The following CHTF18 variants were observed in gnomAD, a reference collection of about 807,000 sequenced individuals.
CHTF18 encodes chromosome transmission fidelity protein 18 homolog.
Under a neutral mutation model 113.4 loss-of-function variants are expected in CHTF18, and 151 were observed. The ratio of observed to expected loss-of-function variants is 1.33; its 90% confidence interval spans 1.17 to 1.52. The LOEUF (loss-of-function observed/expected upper bound fraction) is 1.52, where lower values mean the gene tolerates loss of function less well. Among genes scored for constraint, CHTF18 ranks in the 40% most tolerant of loss-of-function variants. The pLI is 0.00. For missense variants in CHTF18, 1,982 were observed against 1,381.6 expected (o/e 1.43, Z -6.89); for synonymous variants, 916 against 598.8 (o/e 1.53, Z -7.74).
At chr16:792,124 C>T (rs971748327) in intron 9 of CHTF18, 100 bp from the exon 10 acceptor site, 23 of 1,525,696 alleles carry the variant, frequency 1.5e-5, no homozygotes, top group African/African-American at 2.8e-5. Context: ...GCAGCCGCGT[C>T]ATGTGACGGT....
rs371828818 is a variant in CHTF18, at chr16:791,907, T to C, written c.1161T>C (p.Ile387=). ...GGAAGACCACCCTGGCACACGTGAT[T>C]GCGCGTCACGCGGGGTACTCTGTGG... ...GLGKTTLAHV[I]ARHAGYSVVE... Residue 387 remains isoleucine, a synonymous_variant, in exon 9 of 22, where the codon ATT becomes ATC. Coordinates refer to ENST00000262315, the MANE Select transcript of CHTF18 (RefSeq NM_022092.3). The C allele has an allele frequency of 9.3e-6, 15 of 1,610,044 alleles. No individual in the cohort carries two copies. In the African/African-American group the frequency reaches 1.9e-4, roughly 20 times the overall value.
chr16:791,792 A>G, intron 8 of CHTF18, 59 bp from the exon 9 acceptor site: 4 of 1,535,500 alleles, frequency 2.6e-6, no homozygotes, highest in Non-Finnish European at 3.5e-6. Context: ...CCTGGCTGCT[A>G]GGCCGGGAGC....
Position 790,679 on chromosome 16 carries a change from TCTCA to T in CHTF18, c.894+18_894+21del. On this transcript the variant is annotated intron_variant, in intron 7 of 21. Transcript: ENST00000262315. ...GCTCAGTGATGACGTGAGGTCTTGT[TCTCA>T]CTCAAGTGTGGCTGGCTTCCTCTGT... 1 of 1,529,578 alleles carries T rather than the reference TCTCA, an allele frequency of 6.5e-7. No homozygotes were observed. Among genetic ancestry groups the T allele is most frequent in the Non-Finnish European group, 8.7e-7 (1 of 1,147,030 alleles). 94.8% of individuals were successfully genotyped at this position (1,529,578 alleles called of 1,614,324 possible).
At chr16:788,832 C>A in intron 1 of CHTF18, 57 bp downstream of exon 1, 1 of 1,547,826 alleles carries the variant, frequency 6.5e-7, no homozygotes, top group Non-Finnish European at 8.7e-7. Context: ...ACAGTGGCGA[C>A]CTCGGGGAGG....
rs1272463606 is a variant in CHTF18 at position 794,213 on chromosome 16, C to G, written c.1950+12C>G. On this transcript the variant is annotated intron_variant, in intron 15 of 21. Transcript: ENST00000262315. ...AGAAGGTGGTCCAGGTACCTGTCTT[C>G]CACCAAAATGCCTGCCTGGGGCCGC... 6.2e-7 allele frequency: 1 copy of G among 1,607,650 alleles called. No individual in the cohort carries two copies. The highest frequency in any genetic ancestry group is 2.2e-5 in the East Asian group (1 of 44,704).
chr16:790,758 C>G (rs1160019188), intron 7 of CHTF18, 92 bp downstream of exon 7: 1 of 1,445,860 alleles, frequency 6.9e-7, no homozygotes, highest in Non-Finnish European at 9.0e-7. Context: ...AGCCAATCCA[C>G]TGGGCCTCGG....
chr16:792,866 C>T (rs1005137085), intron 12 of CHTF18, 55 bp downstream of exon 12: 15 of 1,527,606 alleles, frequency 9.8e-6, no homozygotes, highest in East Asian at 2.5e-5. Flanking sequence ...GGCGTGGCCT[C>T]GTTCTGGCCC....
At position 797,987 on chromosome 16, in the gene CHTF18, G is replaced by C. The variant is rs201902311; in HGVS notation, c.*12G>C. ...GGGACTTGCTCTAGTTCTCTGAGCC[G>C]CGGACATGCCCTCGCATTGCTTCCC... On this transcript the variant is annotated 3_prime_UTR_variant, in exon 22 of 22. Transcript: ENST00000262315. The C allele has an allele frequency of 4.4e-6, 7 of 1,605,288 alleles. No individual in the cohort carries two copies. The highest frequency in any genetic ancestry group is 6.0e-6 in the Non-Finnish European group (7 of 1,175,416).
At position 795,254 on chromosome 16, in the gene CHTF18, C is replaced by A; in HGVS notation, c.2073C>A (p.Ser691Arg). The A allele has an allele frequency of 6.5e-7, 1 of 1,549,384 alleles. No individual in the cohort carries two copies. The highest frequency in any genetic ancestry group is 8.7e-7 in the Non-Finnish European group (1 of 1,146,878). The change falls in exon 16 of 22, where the codon AGC becomes AGA. Residue 691 changes from serine (S) to arginine (R), a missense_variant. By Grantham distance (110) the Ser-to-Arg change is moderately radical (BLOSUM62 -1). Coordinates refer to ENST00000262315, the MANE Select transcript of CHTF18 (RefSeq NM_022092.3). ...LLAGAAHHSQSFQLLRYPPFL... is the reference protein window; with the variant it reads ...LLAGAAHHSQRFQLLRYPPFL... ...CGGGGGCTGCTCATCACAGCCAGAGCTTCCAGCTGCTGCGCTACCCACCCT... is the reference window on the plus strand; with the variant it reads ...CGGGGGCTGCTCATCACAGCCAGAGATTCCAGCTGCTGCGCTACCCACCCT...
At chr16:789,912 T>C (rs965774189) in intron 4 of CHTF18, 197 bp downstream of exon 4, 14 of 1,458,384 alleles carry the variant, frequency 9.6e-6, no homozygotes, top group African/African-American at 1.4e-5. Context: ...CCAGCCTGTT[T>C]GTATGGCCTC....
intron 7 of CHTF18, 88 bp downstream of exon 7, chr16:790,754 T>C: frequency 6.9e-7 from 1 of 1,449,242 alleles, no homozygotes; most frequent in South Asian, 1.5e-5. Context: ...GCACAGCCAA[T>C]CCACTGGGCC....
rs911932119 is a variant in CHTF18, at chr16:791,172, C to T, written c.906C>T (p.Arg302=). ...CGTCCTTCCCGCAGTTCACCAACCG[C>T]TGCCTGCTCAAGTGGCTGAAGTTGT... ...TELLSDDFTN[R]CLLKWLKLWD... Residue 302 remains arginine, a synonymous_variant, in exon 8 of 22, where the codon CGC becomes CGT. Coordinates refer to ENST00000262315, the MANE Select transcript of CHTF18 (RefSeq NM_022092.3). The T allele has an allele frequency of 1.9e-6, 3 of 1,610,856 alleles. No homozygotes were observed. Among genetic ancestry groups the T allele is most frequent in the African/African-American group, 1.3e-5 (1 of 74,940 alleles).
chr16:793,280 CGGT>C lies in CHTF18; in HGVS notation c.1802+9_1802+11del, dbSNP rs768133142. 2 of 1,605,626 alleles carry C rather than the reference CGGT, an allele frequency of 1.2e-6. No individual in the cohort carries two copies. Among genetic ancestry groups the C allele is most frequent in the East Asian group, 2.2e-5 (1 of 44,678 alleles). On this transcript the variant is annotated splice_region_variant and intron_variant, in intron 14 of 21. Coordinates refer to ENST00000262315, the MANE Select transcript of CHTF18 (RefSeq NM_022092.3). ...CAGCTGCCTCGAGCCCAGAGGTAGG[CGGT>C]GGCCACAGCCTCGGCCCAGATGCTC...
In CHTF18 at chr16:790,156, A is replaced by G. The variant is rs759978356; in HGVS notation, c.607-21A>G. The G allele has an allele frequency of 7.0e-6, 11 of 1,576,178 alleles. No homozygotes were observed. The East Asian group carries it at 9.4e-5, about 13-fold the overall frequency. On this transcript the variant is annotated intron_variant, in intron 4 of 21. Transcript: ENST00000262315. Reference sequence around the variant, plus strand: ...GTGACCTAGGAGGGGCCCAGAGGCAATTGTCCTCCCTTCCCCACAGGGCTC... The same window carrying G: ...GTGACCTAGGAGGGGCCCAGAGGCAGTTGTCCTCCCTTCCCCACAGGGCTC...
chr16:788,817 C>G, intron 1 of CHTF18, 42 bp downstream of exon 1: 1 of 1,565,316 alleles, frequency 6.4e-7, no homozygotes, highest in Non-Finnish European at 8.6e-7. Context: ...GCTGCGAAAG[C>G]CGGGACAGTG....
At chr16:792,133 G>A (rs984816062) in intron 9 of CHTF18, 91 bp from the exon 10 acceptor site, 19 of 1,525,354 alleles carry the variant, frequency 1.2e-5, no homozygotes, top group Non-Finnish European at 1.7e-5. Context: ...TCATGTGACG[G>A]TCTCCACGCA....
In CHTF18 at chr16:790,145, GC is replaced by G. The variant is rs762074341; in HGVS notation, c.607-29del. 2.6e-6 allele frequency: 4 copies of G among 1,562,932 alleles called. No individual in the cohort carries two copies. The Middle Eastern group carries it at 5.0e-4, about 194-fold the overall frequency. ...ACGTGAATCCTGTGACCTAGGAGGG[GC>G]CCAGAGGCAATTGTCCTCCCTTCCC... On this transcript the variant is annotated intron_variant, in intron 4 of 21. Coordinates refer to ENST00000262315, the MANE Select transcript of CHTF18 (RefSeq NM_022092.3).
At position 791,319 on chromosome 16, in the gene CHTF18, G is replaced by A. The variant is rs1280399219; in HGVS notation, c.1053G>A (p.Leu351=). The change falls in exon 8 of 22, where the codon CTG becomes CTA. Residue 351 remains leucine (L), a synonymous_variant. Coordinates refer to ENST00000262315, the MANE Select transcript of CHTF18 (RefSeq NM_022092.3). ...PGKWKSHEQV[L]EEMLEAGLDP... is the part of the protein sequence containing the mutation. The stretch of plus-strand genomic sequence containing the variant: ...AGTGGAAGAGCCACGAACAGGTGCT[G>A]GAGGAGATGCTGGAGGCTGGGCTGG... The A allele has an allele frequency of 6.2e-7, 1 of 1,610,174 alleles. No individual in the cohort carries two copies. Among genetic ancestry groups the A allele is most frequent in the Non-Finnish European group, 8.5e-7 (1 of 1,179,560 alleles).
chr16:790,753 A>G (rs2151642637), intron 7 of CHTF18, 87 bp downstream of exon 7: 3 of 1,449,518 alleles, frequency 2.1e-6, no homozygotes, highest in Non-Finnish European at 2.7e-6. Flanking sequence ...TGCACAGCCA[A>G]TCCACTGGGC....
Sources: allele counts gnomAD v4.1 joint callset, GRCh38; gene constraint gnomAD v4.1.1; transcripts MANE v1.5; gene names NCBI Gene and HGNC (gene_info 2026-07-23, HGNC 2026-07-21).